Variants in PTPRG observed in about 807,000 individuals in gnomAD.
PTPRG encodes the protein receptor-type tyrosine-protein phosphatase gamma.
PTPRG carries 102 observed loss-of-function variants against 165.3 expected under a neutral mutation model. That is an observed-to-expected ratio of 0.62 (90% confidence interval 0.53 to 0.73). The LOEUF (loss-of-function observed/expected upper bound fraction) is 0.73, where lower values mean the gene tolerates loss of function less well. PTPRG is among the 30% of genes least tolerant of loss of function. The pLI is 0.00. For synonymous variants in PTPRG, 675 were observed against 669.5 expected (o/e 1.01, Z -0.13); for missense variants, 1,866 against 1,861.4 (o/e 1.00, Z -0.05).
intron 1 of PTPRG, among the ~76,000 whole-genome samples, chr3:61,682,389 G>T (rs1359783732): frequency 6.6e-6 from 1 of 152,158 alleles, no homozygotes; most frequent in African/African-American, 2.4e-5. Context: ...ATAAATATGT[G>T]CATAGAGACT....
intron 2 of PTPRG, among the ~76,000 whole-genome samples, chr3:61,921,972 A>G (rs952264509): frequency 6.6e-6 from 1 of 152,178 alleles, no homozygotes; most frequent in Non-Finnish European, 1.5e-5. Flanking sequence ...AAGCATCCAG[A>G]TCTGTCTTTA....
intron 2 of PTPRG, among the ~76,000 whole-genome samples, chr3:61,809,034 T>G (rs2035497570): frequency 6.7e-6 from 1 of 150,172 alleles, no homozygotes; most frequent in African/African-American, 2.5e-5. Flanking sequence ...TTTTTTTCTT[T>G]TCTTGTAAAA....
At chr3:62,231,140 G>A (rs747583443) in intron 13 of PTPRG, 85 bp from the exon 14 acceptor site, 92 of 1,017,208 alleles carry the variant, frequency 9.0e-5, no homozygotes, top group Non-Finnish European at 1.1e-4. Context: ...TAGATGGGAG[G>A]GGAGGGCATT....
chr3:62,063,257 G>A (rs1260248860), intron 4 of PTPRG, among the ~76,000 whole-genome samples: 4 of 152,182 alleles, frequency 2.6e-5, no homozygotes, highest in African/African-American at 9.7e-5. Flanking sequence ...CCAGAGAATT[G>A]ATAGAAAGAT....
chr3:61,800,097 A>G (rs958788254), intron 2 of PTPRG, among the ~76,000 whole-genome samples: 3 of 152,190 alleles, frequency 2.0e-5, no homozygotes, highest in Non-Finnish European at 4.4e-5. Context: ...CTGTGGTACA[A>G]TGCTTAGACC....
At position 62,168,129 on chromosome 3, in the gene PTPRG, C is replaced by G. The variant is rs1705069483; in HGVS notation, c.999C>G (p.Phe333Leu). The G allele has an allele frequency of 1.2e-6, 2 of 1,614,034 alleles. No homozygotes were observed. The highest frequency in any genetic ancestry group is 1.7e-6 in the Non-Finnish European group (2 of 1,179,978). The change falls in exon 8 of 30, where the codon TTC becomes TTG. Residue 333 changes from phenylalanine to leucine, a missense_variant. Physicochemically the swap from Phe to Leu is conservative, Grantham distance 22. Transcript: ENST00000474889. ...RDSWNHDMTD[F>L]LENPLGTEAS... The stretch of plus-strand genomic sequence containing the variant: ...CCTGGAACCACGACATGACAGACTT[C>G]TTAGAAAACCCACTGGGGACAGAAG...
intron 2 of PTPRG, among the ~76,000 whole-genome samples, chr3:61,924,066 G>A (rs2039148088): frequency 1.3e-5 from 2 of 151,994 alleles, no homozygotes; most frequent in African/African-American, 2.4e-5. Context: ...TCCCATCGTT[G>A]GATCTCCTAC....
intron 2 of PTPRG, among the ~76,000 whole-genome samples, chr3:61,759,322 C>T (rs187686386): frequency 6.6e-6 from 1 of 152,128 alleles, no homozygotes; most frequent in East Asian, 1.9e-4. Flanking sequence ...CTAATAACTT[C>T]AGGAATTCTC....
chr3:61,821,999 C>T lies in PTPRG; in HGVS notation c.190+73017C>T, dbSNP rs143269562. Among the ~76,000 whole-genome samples, 19 of 152,322 alleles carry T rather than the reference C, an allele frequency of 1.2e-4. No homozygotes were observed. In the East Asian group the frequency reaches 2.3e-3, roughly 19 times the overall value. Reference sequence around the variant, plus strand: ...CAAATGCATCATAGTAATCTATCTTCCTCCTTCATCATCAGGGATTAAGTA... The same window carrying T: ...CAAATGCATCATAGTAATCTATCTTTCTCCTTCATCATCAGGGATTAAGTA... On this transcript the variant is annotated intron_variant, in intron 2 of 29. Coordinates refer to ENST00000474889, the MANE Select transcript of PTPRG (RefSeq NM_002841.4).
chr3:62,221,771 T>C (rs1317681953), intron 13 of PTPRG, among the ~76,000 whole-genome samples: 4 of 152,200 alleles, frequency 2.6e-5, no homozygotes, highest in Non-Finnish European at 5.9e-5. Context: ...AACCAAGGAA[T>C]GGCCCTTTGC....
intron 6 of PTPRG, among the ~76,000 whole-genome samples, chr3:62,136,604 T>A (rs548464021): frequency 6.6e-6 from 1 of 152,170 alleles, no homozygotes. Context: ...CATCTTGAAT[T>A]CCCACGTGTT....
At chr3:61,564,139 C>A (rs562333673) in intron 1 of PTPRG, among the ~76,000 whole-genome samples, 1 of 152,334 alleles carries the variant, frequency 6.6e-6, no homozygotes, top group East Asian at 1.9e-4. Flanking sequence ...GAAACAGCTG[C>A]CTTCATTCAC....
chr3:62,064,583 G>T (rs1323380277), intron 4 of PTPRG, among the ~76,000 whole-genome samples: 1 of 152,042 alleles, frequency 6.6e-6, no homozygotes, highest in East Asian at 1.9e-4. Flanking sequence ...GTGGGGCATA[G>T]ATACTTGAAT....
In PTPRG at chr3:61,767,239, T is replaced by TGAAAAAAAAAAAAAAAAAA. The variant is rs1371380259; in HGVS notation, c.190+18257_190+18258insGAAAAAAAAAAAAAAAAAA. Among the ~76,000 whole-genome samples the TGAAAAAAAAAAAAAAAAAA allele has an allele frequency of 1.4e-4, 10 of 73,076 alleles. 4 individuals carry two copies. Among genetic ancestry groups the TGAAAAAAAAAAAAAAAAAA allele is most frequent in the Admixed American group, 1.2e-3 (6 of 5,084 alleles). The allele number at this position is 73,076 out of a possible 152,430, so 47.9% of individuals were successfully genotyped here. On this transcript the variant is annotated intron_variant, in intron 2 of 29. Transcript: ENST00000474889. ...AGCCTTGTGACAGCAAGATTCCATC[T>TGAAAAAAAAAAAAAAAAAA]CAAAAAAAAAAAAAAAAAGAAAGTA...
intron 2 of PTPRG, among the ~76,000 whole-genome samples, chr3:61,926,214 C>G (rs1332741911): frequency 6.6e-6 from 1 of 152,010 alleles, no homozygotes. Flanking sequence ...ATCTGTGTCT[C>G]CCCCCAGATC....
chr3:61,834,764 G>A (rs2036411366), intron 2 of PTPRG, among the ~76,000 whole-genome samples: 1 of 152,144 alleles, frequency 6.6e-6, no homozygotes, highest in African/African-American at 2.4e-5. Flanking sequence ...AGTGAGCTGA[G>A]ATCGTGCCAC....
chr3:61,878,296 T>C (rs532021872), intron 2 of PTPRG, among the ~76,000 whole-genome samples: 2 of 152,228 alleles, frequency 1.3e-5, no homozygotes, highest in Non-Finnish European at 1.5e-5. Context: ...ATAGTAAATA[T>C]GAGCTGGAAG....
At chr3:61,847,432 A>G (rs762508136) in intron 2 of PTPRG, among the ~76,000 whole-genome samples, 1 of 152,078 alleles carries the variant, frequency 6.6e-6, no homozygotes, top group Non-Finnish European at 1.5e-5. Context: ...TGCCCTCCAG[A>G]GCTGTGAGAC....
At chr3:62,149,395 TCCCAACAAGC>T (rs1423237608) in intron 6 of PTPRG, among the ~76,000 whole-genome samples, 2 of 149,936 alleles carry the variant, frequency 1.3e-5, no homozygotes, top group African/African-American at 4.9e-5. Context: ...TGCCCCAGCC[TCCCAACAAGC>T]TGGGACTACA....
Sources: allele counts gnomAD v4.1 joint callset (sites outside exome capture counted in the v4.1 genomes callset), GRCh38; gene constraint gnomAD v4.1.1; transcripts MANE v1.5; gene names NCBI Gene and HGNC (gene_info 2026-07-23, HGNC 2026-07-21).